The following CACNA1C variants were observed in gnomAD, a reference collection of about 807,000 sequenced individuals.
CACNA1C encodes the protein calcium voltage-gated channel subunit alpha1 C, also known as voltage-dependent L-type calcium channel subunit alpha-1C.
CACNA1C carries 30 observed loss-of-function variants against 229.0 expected under a neutral mutation model. The ratio of observed to expected loss-of-function variants is 0.13; its 90% confidence interval spans 0.10 to 0.18. The LOEUF is 0.18. Among genes scored for constraint, CACNA1C ranks in the 10% least tolerant of loss-of-function variants. The probability of loss-of-function intolerance (pLI) is 1.00; values close to 1 mark genes in which losing one functional copy is unlikely to be tolerated. For synonymous variants in CACNA1C, 1,114 were observed against 1,132.5 expected (o/e 0.98, Z 0.33); for missense variants, 1,658 against 2,845.0 (o/e 0.58, Z 9.49).
intron 3 of CACNA1C, among the ~76,000 whole-genome samples, chr12:2,347,213 C>G (rs1361269694): frequency 6.6e-6 from 1 of 152,172 alleles, no homozygotes; most frequent in Non-Finnish European, 1.5e-5. Flanking sequence ...AACAAATGCA[C>G]CCTTTCTCAC....
chr12:2,327,325 G>A lies in CACNA1C; in HGVS notation c.478-121651G>A, dbSNP rs149821129. Among the ~76,000 whole-genome samples, 6 of 152,316 alleles carry A rather than the reference G, an allele frequency of 3.9e-5. No individual in the cohort carries two copies. In the East Asian group the frequency reaches 5.8e-4, roughly 15 times the overall value. Reference sequence around the variant, plus strand: ...CGTATACTTCCTTTGCAGATCTTACGAAATGAAACACACTGCCAGGCATCT... The same window carrying A: ...CGTATACTTCCTTTGCAGATCTTACAAAATGAAACACACTGCCAGGCATCT... On this transcript the variant is annotated intron_variant, in intron 3 of 46. Coordinates refer to ENST00000399655, the MANE Select transcript of CACNA1C (RefSeq NM_000719.7).
chr12:2,195,397 C>A (rs1373065365), intron 3 of CACNA1C, among the ~76,000 whole-genome samples: 3 of 152,166 alleles, frequency 2.0e-5, no homozygotes, highest in African/African-American at 7.2e-5. Context: ...TACCACTGGG[C>A]AAATCTCTGG....
chr12:2,597,643 T>C lies in CACNA1C; in HGVS notation c.2853+354T>C. The C allele has an allele frequency of 1.4e-6, 1 of 690,294 alleles. No individual in the cohort carries two copies. Among genetic ancestry groups the C allele is most frequent in the Non-Finnish European group, 2.6e-6 (1 of 390,076 alleles). 42.8% of individuals were successfully genotyped at this position (690,294 alleles called of 1,614,324 possible). A position where few individuals can be genotyped will look rare whatever the true frequency, so the allele number is the denominator to read the frequency against. ...ATTGGAAAAATGAGTGCCCCTCACT[T>C]TGTGTGATGCACTTTGCCCAGACTT... On this transcript the variant is annotated intron_variant, in intron 21 of 46. Coordinates refer to ENST00000399655, the MANE Select transcript of CACNA1C (RefSeq NM_000719.7). This position sits in a 1 kb window ranked among gnomAD's most constrained non-coding sequence, Gnocchi z 4.3.
At chr12:1,985,236 A>G (rs1003893624) in intron 1 of CACNA1C, among the ~76,000 whole-genome samples, 1 of 152,128 alleles carries the variant, frequency 6.6e-6, no homozygotes, top group Non-Finnish European at 1.5e-5. Context: ...TTAGACTTCA[A>G]TGGCACAAAT....
intron 3 of CACNA1C, among the ~76,000 whole-genome samples, chr12:2,274,624 C>CCT (rs1179792257): frequency 6.6e-6 from 1 of 152,196 alleles, no homozygotes; most frequent in African/African-American, 2.4e-5. Flanking sequence ...GCTAGGCATT[C>CCT]CTGTATCCTG....
intron 3 of CACNA1C, among the ~76,000 whole-genome samples, chr12:2,256,063 T>TGACCTGACTAGTTTACAACCACACGAC (rs2077504071): frequency 7.2e-6 from 1 of 138,632 alleles, no homozygotes; most frequent in African/African-American, 2.7e-5. Context: ...AATCACACGA[T>TGACCTGACTAGTTTACAACCACACGAC]CCTGACCTTA....
chr12:2,254,693 G>C (rs1419950809), intron 3 of CACNA1C, among the ~76,000 whole-genome samples: 1 of 152,148 alleles, frequency 6.6e-6, no homozygotes, highest in Non-Finnish European at 1.5e-5. Context: ...CTACTCCATT[G>C]TGAGATTTGC....
intron 15 of CACNA1C, 21 bp downstream of exon 15, chr12:2,582,963 C>A: frequency 2.0e-6 from 3 of 1,537,360 alleles, no homozygotes; most frequent in Non-Finnish European, 2.6e-6. Context: ...CTGCTGCCCC[C>A]CACCCCTGCG....
At chr12:2,530,233 T>C (rs901326551) in intron 9 of CACNA1C, among the ~76,000 whole-genome samples, 1 of 152,252 alleles carries the variant, frequency 6.6e-6, no homozygotes, top group Non-Finnish European at 1.5e-5. Flanking sequence ...AAAATTATTT[T>C]CCATGCCTTA....
Position 2,319,680 on chromosome 12 carries a change from G to A in CACNA1C, c.478-129296G>A, listed in dbSNP as rs2095874786. Among the ~76,000 whole-genome samples, 1 of 152,142 alleles carries A rather than the reference G, an allele frequency of 6.6e-6. No homozygotes were observed. The highest frequency in any genetic ancestry group is 2.4e-5 in the African/African-American group (1 of 41,422). ...TTTTACTCTTTGGCTTGCTCTTGCT[G>A]TGTATTAAATTTGATCTGGGGTGTC... On this transcript the variant is annotated intron_variant, in intron 3 of 46. Transcript: ENST00000399655. This position sits in a 1 kb window ranked among gnomAD's most constrained non-coding sequence, Gnocchi z 4.0.
At chr12:2,290,742 G>A (rs772432463) in intron 3 of CACNA1C, among the ~76,000 whole-genome samples, 3 of 152,300 alleles carry the variant, frequency 2.0e-5, no homozygotes, top group Non-Finnish European at 1.5e-5. Context: ...TCTTAGAGAT[G>A]AGAAAAGGAG....
chr12:2,634,120 AAG>A (rs2091822973), intron 29 of CACNA1C, among the ~76,000 whole-genome samples, 175 bp from the exon 30 acceptor site: 1 of 151,970 alleles, frequency 6.6e-6, no homozygotes. Flanking sequence ...GTAGAGTGGT[AAG>A]AGAGTGTTTA....
chr12:2,492,374 C>T (rs1202866102), intron 6 of CACNA1C, among the ~76,000 whole-genome samples: 1 of 152,216 alleles, frequency 6.6e-6, no homozygotes. Flanking sequence ...ACTGAGGAAG[C>T]ACACTCCCTA....
At chr12:2,050,595 G>A (rs1031672657), upstream of CACNA1C, among the ~76,000 whole-genome samples, 3 of 152,180 alleles carry the variant, frequency 2.0e-5, no homozygotes, top group Non-Finnish European at 4.4e-5. Flanking sequence ...AAGTAAATGC[G>A]AAATATTTGA....
chr12:2,416,276 C>G (rs2098898093), intron 3 of CACNA1C, among the ~76,000 whole-genome samples: 1 of 152,116 alleles, frequency 6.6e-6, no homozygotes, highest in Non-Finnish European at 1.5e-5. Flanking sequence ...GTTCCCCACT[C>G]TATTTCGTGG....
chr12:2,148,345 C>G (rs914370126), intron 3 of CACNA1C, among the ~76,000 whole-genome samples: 1 of 151,318 alleles, frequency 6.6e-6, no homozygotes, highest in Non-Finnish European at 1.5e-5. Context: ...GGCGTCTGAA[C>G]TTGTCTTCCA....
At chr12:2,112,364 G>C (rs1022512391) in intron 1 of CACNA1C, among the ~76,000 whole-genome samples, 1 of 152,204 alleles carries the variant, frequency 6.6e-6, no homozygotes, top group Non-Finnish European at 1.5e-5. Context: ...TCTACACAGT[G>C]AGTGCAGGGA....
intron 3 of CACNA1C, among the ~76,000 whole-genome samples, chr12:2,431,906 A>C (rs1370461773): frequency 2.0e-5 from 3 of 152,114 alleles, no homozygotes; most frequent in Non-Finnish European, 4.4e-5. Context: ...TCCCTCACCT[A>C]CCACAAAATT....
chr12:2,349,218 C>T (rs2097136664), intron 3 of CACNA1C, among the ~76,000 whole-genome samples: 1 of 152,124 alleles, frequency 6.6e-6, no homozygotes, highest in Non-Finnish European at 1.5e-5. Flanking sequence ...GGGTAGAATA[C>T]AATACAAACA....
Sources: allele counts gnomAD v4.1 joint callset (sites outside exome capture counted in the v4.1 genomes callset), GRCh38; gene constraint gnomAD v4.1.1; non-coding constraint Gnocchi (gnomAD v3.1); transcripts MANE v1.5; gene names NCBI Gene and HGNC (gene_info 2026-07-23, HGNC 2026-07-21).